PC: variants seen among roughly 807,000 people sequenced by gnomAD.
The protein encoded by PC is pyruvate carboxylase, mitochondrial.
PC carries 46 observed loss-of-function variants against 107.8 expected under a neutral mutation model. The observed-to-expected ratio is 0.43, with a 90% CI of 0.34 to 0.55. The LOEUF (loss-of-function observed/expected upper bound fraction) is 0.55. Among genes scored for constraint, PC ranks in the 20% least tolerant of loss-of-function variants. The pLI is 0.04. For synonymous variants in PC, 662 were observed against 684.7 expected, an observed-to-expected ratio of 0.97 and a Z score of 0.52; for missense variants, 1,241 against 1,643.1, an observed-to-expected ratio of 0.76 and a Z score of 4.23.
intron 12 of PC, chr11:66,860,744 G>A (rs879482812): frequency 1.4e-6 from 1 of 699,472 alleles, no homozygotes; most frequent in Non-Finnish European, 2.6e-6. Flanking sequence ...CTGCCAGGTG[G>A]CGACAGGACG....
chr11:66,901,744 A>G (rs1458550835), intron 3 of PC, among the ~76,000 whole-genome samples: 1 of 152,168 alleles, frequency 6.6e-6, no homozygotes, highest in Non-Finnish European at 1.5e-5. Flanking sequence ...AAGTGCTAGG[A>G]TTACAGGCGT....
At chr11:66,949,385 G>A (rs1949385487) in intron 3 of PC, among the ~76,000 whole-genome samples, 2 of 152,002 alleles carry the variant, frequency 1.3e-5, no homozygotes, top group East Asian at 1.9e-4. Context: ...TTTGCAAATG[G>A]GACCAAGCAT....
chr11:66,873,441 T>A lies in PC; in HGVS notation c.1-1282A>T, dbSNP rs867555679. 3.4e-3 allele frequency among the ~76,000 whole-genome samples: 289 copies of A among 85,384 alleles called. 2 individuals carry two copies. The highest frequency in any genetic ancestry group is 0.013 in the African/African-American group (275 of 20,874). 56.0% of individuals were successfully genotyped at this position (85,384 alleles called of 152,430 possible). On this transcript the variant is annotated intron_variant, in intron 3 of 22. Transcript: ENST00000393960. The stretch of plus-strand genomic sequence containing the variant: ...ATAATATATTATATATATTATATAT[T>A]ATATTATATATAAAATATATATTAT...
chr11:66,912,895 T>G (rs538741549), intron 3 of PC, among the ~76,000 whole-genome samples: 7 of 152,206 alleles, frequency 4.6e-5, no homozygotes, highest in African/African-American at 1.4e-4. Context: ...GCCCCCTAGT[T>G]CAATGTTAAC....
chr11:66,853,919 G>A (rs556103853), intron 12 of PC, among the ~76,000 whole-genome samples: 9 of 152,332 alleles, frequency 5.9e-5, no homozygotes, highest in Admixed American at 2.0e-4. Flanking sequence ...GGGCTGTGGC[G>A]CCAGTGACAG....
intron 3 of PC, among the ~76,000 whole-genome samples, chr11:66,902,195 A>C (rs1428316044): frequency 6.6e-6 from 1 of 152,200 alleles, no homozygotes; most frequent in Non-Finnish European, 1.5e-5. Context: ...GACTCCTAGG[A>C]GAACATATCT....
At chr11:66,877,827 T>C (rs1238252408) in intron 3 of PC, among the ~76,000 whole-genome samples, 1 of 152,158 alleles carries the variant, frequency 6.6e-6, no homozygotes, top group Non-Finnish European at 1.5e-5. Context: ...GTAAACAACA[T>C]GATCTCATGA....
At chr11:66,898,866 A>ATTTAT in intron 3 of PC, among the ~76,000 whole-genome samples, 1 of 151,946 alleles carries the variant, frequency 6.6e-6, no homozygotes, top group African/African-American at 2.4e-5. Flanking sequence ...TATTCTGGAC[A>ATTTAT]TTTCTTTTCT....
intron 3 of PC, among the ~76,000 whole-genome samples, chr11:66,873,393 T>C (rs1946819806): frequency 9.8e-6 from 1 of 102,092 alleles, no homozygotes; most frequent in South Asian, 2.4e-4. Flanking sequence ...TAAAATATTA[T>C]ATATAATATA....
In PC at chr11:66,932,236, T is replaced by A. The variant is rs1248542034; in HGVS notation, c.-1+20194A>T. Among the ~76,000 whole-genome samples the A allele has an allele frequency of 5.9e-5, 9 of 152,066 alleles. No homozygotes were observed. In the East Asian group the frequency reaches 1.5e-3, roughly 26 times the overall value. ...TAGCTAAACTGAATACCTTTTTTTT[T>A]AAGTTAAACACTAACTCTTTGGATT... On this transcript the variant is annotated intron_variant, in intron 3 of 22. Coordinates refer to ENST00000393960, the MANE Select transcript of PC (RefSeq NM_001040716.2).
chr11:66,853,802 C>T (rs1945649670), intron 12 of PC, among the ~76,000 whole-genome samples: 1 of 152,230 alleles, frequency 6.6e-6, no homozygotes, highest in South Asian at 2.1e-4. Flanking sequence ...AGCGGGCATG[C>T]TCCCGCCTTG....
intron 12 of PC, among the ~76,000 whole-genome samples, chr11:66,855,546 G>A (rs1490994418): frequency 6.6e-6 from 1 of 152,138 alleles, no homozygotes; most frequent in South Asian, 2.1e-4. Context: ...TGATCCACCC[G>A]CCTCGGCCTC....
intron 3 of PC, among the ~76,000 whole-genome samples, chr11:66,929,049 C>G (rs1948785081): frequency 6.6e-6 from 1 of 152,060 alleles, no homozygotes; most frequent in African/African-American, 2.4e-5. Flanking sequence ...ACTTAGCCAC[C>G]ATCTAAGACT....
At position 66,851,736 on chromosome 11, in the gene PC, C is replaced by T. The variant is rs1022055078; in HGVS notation, c.1982+54G>A. 2.0e-5 allele frequency: 32 copies of T among 1,589,184 alleles called. 2 individuals carry two copies. The highest frequency in any genetic ancestry group is 1.7e-4 in the Middle Eastern group (1 of 6,038). ...GAACAGAGGCCATCACGACATGGCT[C>T]GGTACCCTCTGGGCCACACCAGGTA... On this transcript the variant is annotated intron_variant, in intron 16 of 22. Transcript: ENST00000393960.
Position 66,914,511 on chromosome 11 carries a change from C to CAA in PC, c.-1+37917_-1+37918dup, listed in dbSNP as rs11370760. Among the ~76,000 whole-genome samples, 177 of 142,168 alleles carry CAA rather than the reference C, an allele frequency of 1.2e-3. 1 individual carries two copies. Among genetic ancestry groups the CAA allele is most frequent in the Admixed American group, 4.3e-3 (61 of 14,028 alleles). The allele number at this position is 142,168 out of a possible 152,430, so 93.3% of individuals were successfully genotyped here. The stretch of plus-strand genomic sequence containing the variant: ...GGGCAACAAGGGTGAAACTCTGTCT[C>CAA]AAAAAAAAAAAAGAAAGAAAGAAAG... On this transcript the variant is annotated intron_variant, in intron 3 of 22. Coordinates refer to ENST00000393960, the MANE Select transcript of PC (RefSeq NM_001040716.2).
chr11:66,893,478 A>G (rs4008953), intron 3 of PC, among the ~76,000 whole-genome samples: 56,044 of 152,012 alleles, frequency 0.37, 11,888 homozygotes, highest in African/African-American at 0.59. Flanking sequence ...TGATCAAAAC[A>G]TGAGGATGAG....
rs750796483 is a variant in PC at position 66,852,701 on chromosome 11, C to T, written c.1604-41G>A. Reference sequence around the variant, plus strand: ...GCATTGGTGCCCATCCTGCAGGTGGCAACCTCCTGTCTCCCCCATGAGTTG... The same window carrying T: ...GCATTGGTGCCCATCCTGCAGGTGGTAACCTCCTGTCTCCCCCATGAGTTG... On this transcript the variant is annotated intron_variant, in intron 14 of 22. Coordinates refer to ENST00000393960, the MANE Select transcript of PC (RefSeq NM_001040716.2). The surrounding 1 kb of genome is among the most constrained non-coding windows in gnomAD (Gnocchi z 4.7). 1 of 1,610,204 alleles carries T rather than the reference C, an allele frequency of 6.2e-7. No individual in the cohort carries two copies. Among genetic ancestry groups the T allele is most frequent in the Non-Finnish European group, 8.5e-7 (1 of 1,176,890 alleles).
At chr11:66,912,556 G>A (rs1948361491) in intron 3 of PC, among the ~76,000 whole-genome samples, 1 of 152,230 alleles carries the variant, frequency 6.6e-6, no homozygotes, top group Non-Finnish European at 1.5e-5. Flanking sequence ...CAGCCGTAAA[G>A]GGTGGAGTTC....
rs772844051 is a variant in PC, at chr11:66,851,298, C to G, written c.1983-18G>C. ...CACAGAACCTGCAAGGGTGAGAGAGCCCAGGGCTGAGCCCCACCCCACCTC... is the reference window on the plus strand; with the variant it reads ...CACAGAACCTGCAAGGGTGAGAGAGGCCAGGGCTGAGCCCCACCCCACCTC... On this transcript the variant is annotated intron_variant, in intron 16 of 22. Transcript: ENST00000393960. The G allele has an allele frequency of 1.3e-5, 21 of 1,599,608 alleles. No homozygotes were observed. In the South Asian group the frequency reaches 2.1e-4, roughly 16 times the overall value.
Sources: gnomAD v4.1 joint callset for allele counts (sites outside exome capture counted in the v4.1 genomes callset) on GRCh38, gnomAD v4.1.1 for gene constraint, Gnocchi (gnomAD v3.1) non-coding constraint, MANE v1.5 for transcripts, NCBI Gene and HGNC (gene_info 2026-07-23, HGNC 2026-07-21) for gene names.